The following AGBL1 variants were observed in gnomAD, a reference collection of about 807,000 sequenced individuals.
AGBL1 encodes cytosolic carboxypeptidase 4.
A neutral mutation model predicts 118.9 loss-of-function variants in AGBL1; 130 were observed. The ratio of observed to expected loss-of-function variants is 1.09; its 90% CI spans 0.95 to 1.26. The LOEUF (loss-of-function observed/expected upper bound fraction) is 1.26. Among genes scored for constraint, AGBL1 ranks in the 50% most tolerant of loss-of-function variants. The probability of loss-of-function intolerance (pLI) is 0.00; values close to 1 mark genes in which losing one functional copy is unlikely to be tolerated. For synonymous variants in AGBL1, 555 were observed against 478.9 expected (o/e 1.16, Z -2.08); for missense variants, 1,584 against 1,298.1 (o/e 1.22, Z -3.38).
At chr15:86,982,956 G>A (rs1420792455) in intron 23 of AGBL1, among the ~76,000 whole-genome samples, 1 of 152,144 alleles carries the variant, frequency 6.6e-6, no homozygotes, top group Non-Finnish European at 1.5e-5. Flanking sequence ...AGTTTGTCTA[G>A]ATCAGAATAC....
intron 21 of AGBL1, among the ~76,000 whole-genome samples, chr15:86,582,982 G>T (rs768354986): frequency 1.3e-5 from 2 of 151,630 alleles, no homozygotes; most frequent in Non-Finnish European, 2.9e-5. Flanking sequence ...TGCACATTGT[G>T]CACACATACC....
intron 23 of AGBL1, among the ~76,000 whole-genome samples, chr15:86,986,113 G>A (rs62034341): frequency 0.11 from 16,325 of 152,010 alleles, 1,006 homozygotes; most frequent in East Asian, 0.14. Context: ...TAGTAGAGAC[G>A]GGGTTTCGCC....
In AGBL1 at chr15:86,891,579, G is replaced by GA. The variant is rs11339441; in HGVS notation, c.3159-15495dup. Among the ~76,000 whole-genome samples the GA allele has an allele frequency of 4.9e-3, 672 of 137,850 alleles. 3 individuals carry two copies. The highest frequency in any genetic ancestry group is 0.011 in the African/African-American group (399 of 37,632). 90.4% of individuals were successfully genotyped at this position (137,850 alleles called of 152,430 possible). On this transcript the variant is annotated intron_variant, in intron 22 of 22. Coordinates refer to ENST00000614907, the MANE Select transcript of AGBL1 (RefSeq NM_001386094.1). ...ACACCATTCAACAAGAAATAATGAG[G>GA]AAAAAAAAAAAAACAAGCAAGGGAG... is the stretch of plus-strand genomic sequence containing the variant.
intron 23 of AGBL1, among the ~76,000 whole-genome samples, chr15:86,927,603 A>G (rs926519517): frequency 2.6e-4 from 40 of 152,166 alleles, no homozygotes; most frequent in Non-Finnish European, 2.9e-5. Flanking sequence ...AAATAAATAA[A>G]ATTATTTTTA....
intron 21 of AGBL1, among the ~76,000 whole-genome samples, chr15:86,673,250 A>G (rs941147712): frequency 6.6e-6 from 1 of 152,328 alleles, no homozygotes; most frequent in Non-Finnish European, 1.5e-5. Flanking sequence ...TTATCACCAG[A>G]TGCTTAGGTA....
At chr15:86,858,265 A>C (rs117765004) in intron 22 of AGBL1, among the ~76,000 whole-genome samples, 1,760 of 152,330 alleles carry the variant, frequency 0.012, 15 homozygotes, top group Middle Eastern at 0.017. Flanking sequence ...AGAGTGAAGA[A>C]AAGTATTGGA....
intron 23 of AGBL1, among the ~76,000 whole-genome samples, chr15:86,954,652 G>C (rs376018612): frequency 1.3e-4 from 20 of 152,204 alleles, no homozygotes; most frequent in South Asian, 6.2e-4. Flanking sequence ...CTACTAGAAG[G>C]GGGGAAAGAA....
chr15:86,282,686 G>A (rs1597675812), intron 16 of AGBL1, among the ~76,000 whole-genome samples: 1 of 152,166 alleles, frequency 6.6e-6, no homozygotes, highest in East Asian at 1.9e-4. Context: ...ATGCTAACCA[G>A]TCATTTTTGT....
intron 19 of AGBL1, among the ~76,000 whole-genome samples, chr15:86,525,156 AC>A (rs1233158919): frequency 7.1e-6 from 1 of 141,410 alleles, no homozygotes; most frequent in Non-Finnish European, 1.5e-5. Flanking sequence ...AACAATAGCT[AC>A]AAAAAAAAAA....
intron 17 of AGBL1, among the ~76,000 whole-genome samples, chr15:86,319,186 A>G (rs552596619): frequency 6.6e-6 from 1 of 152,152 alleles, no homozygotes; most frequent in African/African-American, 2.4e-5. Context: ...AACCGAGTAT[A>G]TACTTAGAAG....
At chr15:86,369,082 C>T (rs1007907028) in intron 17 of AGBL1, among the ~76,000 whole-genome samples, 3 of 152,050 alleles carry the variant, frequency 2.0e-5, no homozygotes, top group Non-Finnish European at 4.4e-5. Flanking sequence ...AGTCTACCAA[C>T]AAGACCCTCA....
chr15:86,522,997 G>A (rs201115195), intron 19 of AGBL1, 58 bp downstream of exon 19: 1 of 1,567,956 alleles, frequency 6.4e-7, no homozygotes, highest in Non-Finnish European at 8.8e-7. Context: ...CTTCCAGGAA[G>A]CAGAGTATAT....
intron 3 of AGBL1, among the ~76,000 whole-genome samples, chr15:86,153,498 G>A (rs1011234211): frequency 4.0e-5 from 6 of 151,866 alleles, no homozygotes; most frequent in Non-Finnish European, 5.9e-5. Context: ...ATCACACACC[G>A]GGGCCTGTCG....
chr15:86,936,236 A>ATGTG lies in AGBL1; in HGVS notation c.3222-51748_3222-51747insGTGT, dbSNP rs372531801. On this transcript the variant is annotated intron_variant, in intron 23 of 24. Transcript: ENST00000441037. ...TGCCAAATTGTAAACAGCAGTGTGTATGTATGTGTGTGTGTGTGTGTGTGT... is the reference window on the plus strand; with the variant it reads ...TGCCAAATTGTAAACAGCAGTGTGTATGTGTGTATGTGTGTGTGTGTGTGTGTGT... Among the ~76,000 whole-genome samples, 345 of 105,858 alleles carry ATGTG rather than the reference A, an allele frequency of 3.3e-3. 2 individuals are homozygous for ATGTG. The highest frequency in any genetic ancestry group is 9.7e-3 in the South Asian group (20 of 2,070). The allele number at this position is 105,858 out of a possible 152,430, so 69.4% of individuals were successfully genotyped here. A position where few individuals can be genotyped will look rare whatever the true frequency, so the allele number is the denominator to read the frequency against.
chr15:86,652,756 CA>C lies in AGBL1; in HGVS notation c.2995-21512del, dbSNP rs1304271712. On this transcript the variant is annotated intron_variant, in intron 21 of 22. Coordinates refer to ENST00000614907, the MANE Select transcript of AGBL1 (RefSeq NM_001386094.1). ...TCATGAATGACTACATTAAATCTCC[CA>C]AAAATGTATGTATACACACACTTCA... Among the ~76,000 whole-genome samples, 3 of 152,034 alleles carry C rather than the reference CA, an allele frequency of 2.0e-5. No individual in the cohort carries two copies. The East Asian group carries it at 5.8e-4, about 29-fold the overall frequency.
chr15:86,563,568 G>C (rs975398586), intron 21 of AGBL1, among the ~76,000 whole-genome samples: 5 of 61,430 alleles, frequency 8.1e-5, no homozygotes, highest in Non-Finnish European at 3.4e-5. Flanking sequence ...TCCAACTATG[G>C]ACTAAGTACG....
intron 21 of AGBL1, among the ~76,000 whole-genome samples, chr15:86,633,831 ATGTATATATATAT>A (rs2085026787): frequency 2.6e-4 from 3 of 11,754 alleles, no homozygotes; most frequent in Non-Finnish European, 5.4e-4. Flanking sequence ...TATATATATA[ATGTATATATATAT>A]AATGTATATA....
intron 15 of AGBL1, among the ~76,000 whole-genome samples, chr15:86,273,392 A>G (rs71399818): frequency 6.2e-4 from 95 of 152,320 alleles, no homozygotes; most frequent in Non-Finnish European, 1.0e-3. Flanking sequence ...CATGAATACA[A>G]CAGAGATGAA....
At chr15:86,364,327 C>A (rs984435067) in intron 17 of AGBL1, among the ~76,000 whole-genome samples, 3 of 152,112 alleles carry the variant, frequency 2.0e-5, no homozygotes, top group African/African-American at 7.2e-5. Context: ...ATTTTAATAA[C>A]CCAATGAAGT....
Sources: allele counts gnomAD v4.1 joint callset (sites outside exome capture counted in the v4.1 genomes callset), GRCh38; gene constraint gnomAD v4.1.1; transcripts MANE v1.5; gene names NCBI Gene and HGNC (gene_info 2026-07-23, HGNC 2026-07-21).